The following RPH3A variants were observed in gnomAD, a reference collection of about 807,000 sequenced individuals.
RPH3A encodes the protein rabphilin-3A.
Under a neutral mutation model 102.2 loss-of-function variants are expected in RPH3A, and 48 were observed. The ratio of observed to expected loss-of-function variants is 0.47; its 90% confidence interval spans 0.37 to 0.60. RPH3A has a LOEUF of 0.60. Among genes scored for constraint, RPH3A ranks in the 20% least tolerant of loss-of-function variants. RPH3A has a pLI of 0.00. For missense variants in RPH3A, 781 were observed against 910.1 expected (o/e 0.86, Z 1.83); for synonymous variants, 310 against 324.3 (o/e 0.96, Z 0.47).
intron 1 of RPH3A, among the ~76,000 whole-genome samples, chr12:112,580,146 C>T (rs1222874248): frequency 4.6e-5 from 7 of 152,014 alleles, no homozygotes; most frequent in Non-Finnish European, 1.0e-4. Flanking sequence ...GTCTCTCATT[C>T]ACTATTTTTA....
chr12:112,708,011 G>A (rs150526407), intron 1 of RPH3A, among the ~76,000 whole-genome samples: 1 of 152,362 alleles, frequency 6.6e-6, no homozygotes, highest in African/African-American at 2.4e-5. Context: ...ACGGGCTGAA[G>A]TCGTGGGACG....
In RPH3A at chr12:112,881,769, C is replaced by A; in HGVS notation, c.1252-3C>A. 6.2e-7 allele frequency: 1 copy of A among 1,608,020 alleles called. No individual in the cohort carries two copies. The highest frequency in any genetic ancestry group is 8.5e-7 in the Non-Finnish European group (1 of 1,176,282). The stretch of plus-strand genomic sequence containing the variant: ...CTCACACCATTGCCTCCTTCTCTTG[C>A]AGGGCCTGAAGCCCATGGATTCAAA... On this transcript the variant is annotated splice_region_variant and splice_polypyrimidine_tract_variant and intron_variant, in intron 14 of 21. Coordinates refer to ENST00000389385, the MANE Select transcript of RPH3A (RefSeq NM_001143854.2).
intron 1 of RPH3A, among the ~76,000 whole-genome samples, chr12:112,665,695 C>T (rs1008607378): frequency 2.0e-5 from 3 of 152,190 alleles, no homozygotes; most frequent in Non-Finnish European, 2.9e-5. Context: ...TATTATCAGG[C>T]TTTCCTCAAA....
At chr12:112,630,527 C>T (rs541217029) in intron 1 of RPH3A, among the ~76,000 whole-genome samples, 21 of 152,300 alleles carry the variant, frequency 1.4e-4, no homozygotes, top group African/African-American at 4.8e-4. Context: ...ACCACAGTGT[C>T]TATCAATTAC....
In RPH3A at chr12:112,732,175, T is replaced by A. The variant is rs181514449; in HGVS notation, c.-139-59968T>A. On this transcript the variant is annotated intron_variant, in intron 1 of 21. Transcript: ENST00000543106. Reference sequence around the variant, plus strand: ...GGTTCGTGGTGGGTCCTGTGGAGGCTTCTCAGAATGATGCCCAAGGGAAAA... The same window carrying A: ...GGTTCGTGGTGGGTCCTGTGGAGGCATCTCAGAATGATGCCCAAGGGAAAA... Among the ~76,000 whole-genome samples the A allele has an allele frequency of 7.2e-5, 11 of 152,270 alleles. No homozygotes were observed. In the East Asian group the frequency reaches 1.9e-3, roughly 27 times the overall value.
chr12:112,667,674 G>A (rs3955305), intron 1 of RPH3A, among the ~76,000 whole-genome samples: 1 of 77,934 alleles, frequency 1.3e-5, no homozygotes, highest in African/African-American at 9.5e-5. Flanking sequence ...GAGAGAGAGA[G>A]AGAGAGAGAG....
At chr12:112,876,518 T>A (rs1354461865) in intron 12 of RPH3A, 124 bp from the exon 13 acceptor site, 6 of 664,136 alleles carry the variant, frequency 9.0e-6, no homozygotes, top group Non-Finnish European at 1.3e-5. Context: ...GATCCCAAGG[T>A]CCCACTGCAT....
chr12:112,629,840 C>G (rs2135985249), intron 1 of RPH3A, among the ~76,000 whole-genome samples: 1 of 152,216 alleles, frequency 6.6e-6, no homozygotes, highest in African/African-American at 2.4e-5. Context: ...AGGCACAGTG[C>G]TAACATCTTT....
intron 21 of RPH3A, among the ~76,000 whole-genome samples, 171 bp from the exon 22 acceptor site, chr12:112,896,479 C>T (rs538869997): frequency 1.1e-4 from 16 of 152,226 alleles, no homozygotes; most frequent in African/African-American, 2.4e-4. Flanking sequence ...AGAGAAGGAC[C>T]GTAATAATAA....
intron 2 of RPH3A, among the ~76,000 whole-genome samples, chr12:112,813,536 C>A (rs1251403758): frequency 1.3e-5 from 2 of 152,182 alleles, no homozygotes; most frequent in African/African-American, 4.8e-5. Context: ...ATCCACACCC[C>A]AGGGAAGTGA....
intron 2 of RPH3A, among the ~76,000 whole-genome samples, chr12:112,802,861 C>A (rs1308257463): frequency 6.6e-6 from 1 of 152,168 alleles, no homozygotes; most frequent in East Asian, 1.9e-4. Flanking sequence ...GTCCTCTCCC[C>A]AGAGCCTGGG....
chr12:112,840,950 A>G (rs941912192), intron 4 of RPH3A, among the ~76,000 whole-genome samples: 8 of 152,010 alleles, frequency 5.3e-5, no homozygotes, highest in East Asian at 3.9e-4. Context: ...TCCCATTCAC[A>G]TCACACACAC....
intron 1 of RPH3A, among the ~76,000 whole-genome samples, chr12:112,673,814 T>G (rs917404549): frequency 1.3e-5 from 2 of 152,094 alleles, no homozygotes; most frequent in African/African-American, 2.4e-5. Flanking sequence ...TAACCATCCC[T>G]ACTTCCCTCC....
At chr12:112,759,491 G>C (rs965265775) in intron 1 of RPH3A, among the ~76,000 whole-genome samples, 6 of 152,172 alleles carry the variant, frequency 3.9e-5, no homozygotes, top group African/African-American at 1.2e-4. Context: ...TTTGTAATTA[G>C]AGAGTGCTGC....
At chr12:112,693,033 G>A (rs1400410640) in intron 1 of RPH3A, among the ~76,000 whole-genome samples, 3 of 152,216 alleles carry the variant, frequency 2.0e-5, no homozygotes, top group Non-Finnish European at 4.4e-5. Flanking sequence ...GTGCCATTCA[G>A]CTAGGTTTCT....
chr12:112,801,122 G>A (rs920820587), intron 2 of RPH3A, among the ~76,000 whole-genome samples: 3 of 152,140 alleles, frequency 2.0e-5, no homozygotes, highest in African/African-American at 4.8e-5. Context: ...CAGGGGCTGC[G>A]GGAAAGGCTG....
intron 2 of RPH3A, among the ~76,000 whole-genome samples, chr12:112,806,578 G>A (rs781415430): frequency 2.6e-5 from 4 of 151,884 alleles, no homozygotes; most frequent in Middle Eastern, 3.4e-3. Context: ...GTAATGAGTC[G>A]AGATCACGCC....
intron 1 of RPH3A, among the ~76,000 whole-genome samples, chr12:112,703,801 G>C (rs2136030506): frequency 6.6e-6 from 1 of 152,272 alleles, no homozygotes; most frequent in African/African-American, 2.4e-5. Flanking sequence ...AAACTCCTTA[G>C]GGAGACAGAT....
At chr12:112,634,042 T>C (rs2039827011) in intron 1 of RPH3A, among the ~76,000 whole-genome samples, 4 of 152,184 alleles carry the variant, frequency 2.6e-5, no homozygotes, top group Admixed American at 2.6e-4. Context: ...TCATGTTTAA[T>C]GCCAATTTAA....
Sources: allele counts gnomAD v4.1 joint callset (sites outside exome capture counted in the v4.1 genomes callset), GRCh38; gene constraint gnomAD v4.1.1; transcripts MANE v1.5; gene names NCBI Gene and HGNC (gene_info 2026-07-23, HGNC 2026-07-21).